The following PACSIN2 variants were observed in gnomAD, a reference collection of about 807,000 sequenced individuals.
PACSIN2 encodes protein kinase C and casein kinase substrate in neurons protein 2.
PACSIN2 carries 25 observed loss-of-function variants against 63.8 expected under a neutral mutation model. The ratio of observed to expected loss-of-function variants is 0.39; its 90% CI spans 0.29 to 0.55. The LOEUF (loss-of-function observed/expected upper bound fraction) is 0.55. PACSIN2 is among the 20% of genes least tolerant of loss of function. The probability of loss-of-function intolerance (pLI) is 0.62; values close to 1 mark genes in which losing one functional copy is unlikely to be tolerated. For missense variants in PACSIN2, 518 were observed against 646.9 expected (o/e 0.80, Z 2.16); for synonymous variants, 255 against 256.2 (o/e 1.00, Z 0.05).
chr22:42,884,356 C>G lies in PACSIN2; in HGVS notation c.785+30G>C, dbSNP rs369474399. ...AAGCACTTTCCGTTGACTTCAATGACGTGTGTGTTTTAGCTCAAAGGAAAC... is the reference window on the plus strand; with the variant it reads ...AAGCACTTTCCGTTGACTTCAATGAGGTGTGTGTTTTAGCTCAAAGGAAAC... On this transcript the variant is annotated intron_variant, in intron 6 of 10. Transcript: ENST00000263246. 1.9e-5 allele frequency: 31 copies of G among 1,593,552 alleles called. No individual in the cohort carries two copies. The African/African-American group carries it at 3.9e-4, about 20-fold the overall frequency.
intron 1 of PACSIN2, among the ~76,000 whole-genome samples, chr22:43,007,176 C>G (rs1394622161): frequency 1.3e-5 from 2 of 151,916 alleles, no homozygotes; most frequent in African/African-American, 4.8e-5. Context: ...TAACCTGGAG[C>G]CTTCCCTGCC....
At chr22:42,888,581 G>T in intron 5 of PACSIN2, 62 bp downstream of exon 5, 1 of 1,541,620 alleles carries the variant, frequency 6.5e-7, no homozygotes, top group Non-Finnish European at 9.0e-7. Flanking sequence ...AAGGCTATAT[G>T]CCAGACACGT....
At chr22:42,950,333 C>T (rs1285808224) in intron 1 of PACSIN2, among the ~76,000 whole-genome samples, 2 of 150,718 alleles carry the variant, frequency 1.3e-5, no homozygotes, top group African/African-American at 2.4e-5. Flanking sequence ...TGGAACAATC[C>T]TCCAAGATAC....
At chr22:42,928,874 C>T (rs1932698286) in intron 1 of PACSIN2, among the ~76,000 whole-genome samples, 1 of 152,198 alleles carries the variant, frequency 6.6e-6, no homozygotes, top group South Asian at 2.1e-4. Flanking sequence ...CCCAAATTTG[C>T]CATTAAACAG....
intron 1 of PACSIN2, among the ~76,000 whole-genome samples, chr22:42,971,157 C>T (rs910254324): frequency 1.8e-4 from 28 of 152,262 alleles, no homozygotes; most frequent in Non-Finnish European, 3.7e-4. Flanking sequence ...ACTGTACTGC[C>T]GCCATCTCGG....
At chr22:43,001,462 C>A (rs1355566536) in intron 1 of PACSIN2, among the ~76,000 whole-genome samples, 1 of 152,232 alleles carries the variant, frequency 6.6e-6, no homozygotes, top group Non-Finnish European at 1.5e-5. Context: ...TCAAGCAAAG[C>A]ATCACTCTAA....
At chr22:42,883,730 G>C (rs879815559) in intron 6 of PACSIN2, among the ~76,000 whole-genome samples, 11 of 152,254 alleles carry the variant, frequency 7.2e-5, no homozygotes, top group Admixed American at 6.5e-4. Context: ...CTGCGGCCAG[G>C]TGCGGTGGCT....
chr22:42,872,180 A>C (rs893972777), intron 10 of PACSIN2, among the ~76,000 whole-genome samples: 1 of 152,194 alleles, frequency 6.6e-6, no homozygotes, highest in Non-Finnish European at 1.5e-5. Context: ...TACAGAGATG[A>C]GAGGAACTGA....
At chr22:42,962,505 T>A (rs1920925614) in intron 1 of PACSIN2, among the ~76,000 whole-genome samples, 1 of 150,758 alleles carries the variant, frequency 6.6e-6, no homozygotes, top group Non-Finnish European at 1.5e-5. Context: ...GGGTCTTGGA[T>A]AGTTTCTGCT....
At position 42,891,158 on chromosome 22, in the gene PACSIN2, T is replaced by C. The variant is rs1929882947; in HGVS notation, c.242A>G (p.Lys81Arg). The stretch of plus-strand genomic sequence containing the variant: ...CTCGGACATGAAGGCCATCCAGGCC[T>C]TCTCCACGGTCCCGTACTGGGGCCC... ...EKGPQYGTVE[K>R]AWMAFMSEAE... is the part of the protein sequence containing the mutation. Residue 81 changes from lysine (K) to arginine (R), a missense_variant, in exon 4 of 11, where the codon AAG (lysine) becomes AGG (arginine). Lys to Arg is a conservative substitution (Grantham distance 26, BLOSUM62 2). This residue lies in a region of PACSIN2 where 507 missense variants were observed against 612.3 expected (regional missense o/e 0.83). Coordinates refer to ENST00000263246, the MANE Select transcript of PACSIN2 (RefSeq NM_001184970.3). 1 of 1,613,836 alleles carries C rather than the reference T, an allele frequency of 6.2e-7. No homozygotes were observed. Among genetic ancestry groups the C allele is most frequent in the Non-Finnish European group, 8.5e-7 (1 of 1,179,910 alleles).
intron 1 of PACSIN2, among the ~76,000 whole-genome samples, chr22:42,986,346 G>A (rs186444076): frequency 2.9e-4 from 44 of 152,096 alleles, no homozygotes; most frequent in Admixed American, 1.9e-3. Context: ...AAAGCGCAGC[G>A]GCCCCCAAAG....
chr22:42,877,260 G>T (rs942527711), intron 8 of PACSIN2, among the ~76,000 whole-genome samples: 4 of 152,202 alleles, frequency 2.6e-5, no homozygotes, highest in African/African-American at 7.2e-5. Flanking sequence ...AGTCCGTCCA[G>T]AACAGGGGCC....
intron 5 of PACSIN2, among the ~76,000 whole-genome samples, chr22:42,887,132 C>G (rs1929548796): frequency 6.6e-6 from 1 of 152,190 alleles, no homozygotes; most frequent in Admixed American, 6.5e-5. Context: ...GTTCCAGGCT[C>G]CTCACCTGAT....
intron 1 of PACSIN2, among the ~76,000 whole-genome samples, chr22:42,962,831 G>C (rs1347004123): frequency 2.0e-5 from 3 of 151,068 alleles, no homozygotes; most frequent in Non-Finnish European, 4.4e-5. Flanking sequence ...ATAGTAGTGG[G>C]ACTAGGAAGT....
At position 42,923,374 on chromosome 22, in the gene PACSIN2, G is replaced by A. The variant is rs1422324091; in HGVS notation, c.-77-11217C>T. On this transcript the variant is annotated intron_variant, in intron 1 of 10. Coordinates refer to ENST00000263246, the MANE Select transcript of PACSIN2 (RefSeq NM_001184970.3). ...CCAGGTCCTCCTGGCCCGCAGGCCC[G>A]CATCTGCTCACCTCCACTAAGCTAC... 4.6e-5 allele frequency among the ~76,000 whole-genome samples: 7 copies of A among 152,270 alleles called. No homozygotes were observed. The South Asian group carries it at 6.2e-4, about 14-fold the overall frequency.
intron 8 of PACSIN2, 148 bp downstream of exon 8, chr22:42,878,900 C>A: frequency 1.1e-6 from 1 of 872,152 alleles, no homozygotes; most frequent in East Asian, 2.8e-5. Flanking sequence ...AGGAACCTCC[C>A]AGGTGTCCAG....
intron 1 of PACSIN2, among the ~76,000 whole-genome samples, chr22:43,012,204 A>T (rs138958847): frequency 8.1e-4 from 105 of 129,830 alleles, no homozygotes; most frequent in African/African-American, 1.6e-3. Context: ...CATACATACA[A>T]ACATACAAAA....
chr22:43,010,958 T>C (rs1924450866), intron 1 of PACSIN2, among the ~76,000 whole-genome samples: 1 of 152,218 alleles, frequency 6.6e-6, no homozygotes, highest in Non-Finnish European at 1.5e-5. Flanking sequence ...TAGTTACCTT[T>C]GGAACTGCAG....
chr22:42,927,730 A>AGCAT (rs1316223175), intron 1 of PACSIN2, among the ~76,000 whole-genome samples: 1 of 151,474 alleles, frequency 6.6e-6, no homozygotes, highest in African/African-American at 2.4e-5. Context: ...TGGGATTAGA[A>AGCAT]GCATGCACCA....
Sources: allele counts gnomAD v4.1 joint callset (sites outside exome capture counted in the v4.1 genomes callset), GRCh38; gene constraint gnomAD v4.1.1; regional missense constraint gnomAD v4.1.1; transcripts MANE v1.5; gene names NCBI Gene and HGNC (gene_info 2026-07-23, HGNC 2026-07-21).